The following ARHGEF9 variants were observed in gnomAD, a reference collection of about 807,000 sequenced individuals.
The protein encoded by ARHGEF9 is rho guanine nucleotide exchange factor 9.
Under a neutral mutation model 41.3 loss-of-function variants are expected in ARHGEF9, and 2 were observed. The observed-to-expected ratio is 0.05, with a 90% CI of 0.02 to 0.15. ARHGEF9 has a LOEUF of 0.15. Among genes scored for constraint, ARHGEF9 ranks in the 10% least tolerant of loss-of-function variants. ARHGEF9 has a pLI of 1.00. For synonymous variants in ARHGEF9, 160 were observed against 154.4 expected, an observed-to-expected ratio of 1.04 and a Z score of -0.27; for missense variants, 225 against 424.7, an observed-to-expected ratio of 0.53 and a Z score of 4.13.
intron 5 of ARHGEF9, among the ~76,000 whole-genome samples, chrX:63,677,366 T>C (rs2050319118): frequency 1.8e-5 from 2 of 112,157 alleles, no homozygotes; most frequent in East Asian, 5.6e-4. Context: ...ATTCTTCATC[T>C]AATCTTCTCC....
chrX:63,712,384 T>C (rs782317219), intron 2 of ARHGEF9, among the ~76,000 whole-genome samples: 4 of 112,060 alleles, frequency 3.6e-5, no homozygotes, highest in African/African-American at 9.7e-5. Context: ...TGTTCATTAA[T>C]TGATGAATGG....
intron 5 of ARHGEF9, among the ~76,000 whole-genome samples, chrX:63,677,880 G>T: frequency 8.9e-6 from 1 of 111,907 alleles, no homozygotes; most frequent in Non-Finnish European, 1.9e-5. Flanking sequence ...CTTTTAAGAT[G>T]AATTATGCCA....
At chrX:63,754,761 G>T in intron 1 of ARHGEF9, 1 of 952,343 alleles carries the variant, frequency 1.1e-6, no homozygotes, top group South Asian at 5.5e-5. Context: ...AGGGGGATGG[G>T]GACGGGGTGC....
intron 8 of ARHGEF9, among the ~76,000 whole-genome samples, chrX:63,646,241 T>C (rs1332433263): frequency 1.8e-5 from 2 of 112,015 alleles, no homozygotes; most frequent in South Asian, 3.8e-4. Flanking sequence ...TCATTAGATC[T>C]CATTTGTCAA....
intron 3 of ARHGEF9, among the ~76,000 whole-genome samples, chrX:63,704,787 A>G (rs1556399561): frequency 4.5e-5 from 5 of 112,309 alleles, no homozygotes; most frequent in African/African-American, 1.6e-4. Flanking sequence ...TTAATGACCA[A>G]GTTAGAATGT....
At chrX:63,654,283 T>A (rs2048747833) in intron 8 of ARHGEF9, among the ~76,000 whole-genome samples, 1 of 111,811 alleles carries the variant, frequency 8.9e-6, no homozygotes, top group Non-Finnish European at 1.9e-5. Context: ...GTGGGAGACA[T>A]TGTGTTAGAG....
intron 1 of ARHGEF9, chrX:63,754,969 G>C: frequency 3.2e-6 from 3 of 938,685 alleles, no homozygotes; most frequent in Non-Finnish European, 4.0e-6. Context: ...GCGTGCGTCC[G>C]TCCGCCTGCC....
intron 8 of ARHGEF9, among the ~76,000 whole-genome samples, chrX:63,646,660 G>A (rs2048104252): frequency 8.9e-6 from 1 of 112,040 alleles, no homozygotes; most frequent in African/African-American, 3.2e-5. Context: ...AAGTCAGGTA[G>A]CGTGATAGCT....
At chrX:63,783,108 T>A (rs1279965048) in intron 1 of ARHGEF9, among the ~76,000 whole-genome samples, 1 of 111,944 alleles carries the variant, frequency 8.9e-6, no homozygotes, top group African/African-American at 3.3e-5. Context: ...TTCTCTCTCA[T>A]ACACTGTTGG....
At chrX:63,660,162 C>T (rs1343339989) in intron 7 of ARHGEF9, among the ~76,000 whole-genome samples, 7 of 111,634 alleles carry the variant, frequency 6.3e-5, no homozygotes, top group Non-Finnish European at 1.3e-4. Context: ...CAATGATAGA[C>T]TGGATAAAGA....
Position 63,750,969 on chromosome X carries a change from G to C in ARHGEF9, c.31-26258C>G, listed in dbSNP as rs561095738. Among the ~76,000 whole-genome samples the C allele has an allele frequency of 3.3e-4, 37 of 111,159 alleles. 1 individual carries two copies. In the South Asian group the frequency reaches 0.014, roughly 42 times the overall value. On this transcript the variant is annotated intron_variant, in intron 1 of 9. Transcript: ENST00000671741. ...CTAGTCCCCTTTTTCTAGAGTTATT[G>C]GTGCCTGGGCCTTTAAAGGGTGGGC...
Position 63,678,549 on chromosome X carries a change from A to G in ARHGEF9, c.606T>C (p.Ser202=), listed in dbSNP as rs1556365412. The G allele has an allele frequency of 8.3e-7, 1 of 1,200,328 alleles. No homozygotes were observed. The highest frequency in any genetic ancestry group is 1.1e-6 in the Non-Finnish European group (1 of 888,208). The change falls in exon 5 of 10, where the codon TCT becomes TCC. Residue 202 remains serine, a synonymous_variant. Coordinates refer to ENST00000671741, the MANE Select transcript of ARHGEF9 (RefSeq NM_001353921.2). ...CATCCAGGTGGTTGTTACAATACTC[A>G]GAGTATATCCAGAATCCATCTTGCT... ...LEHQDGFWIY[S]EYCNNHLDAC...
In ARHGEF9 at chrX:63,706,300, G is replaced by C. The variant is rs1241851329; in HGVS notation, c.360C>G (p.Ser120Arg). The C allele has an allele frequency of 8.3e-7, 1 of 1,206,060 alleles. No homozygotes were observed. The highest frequency in any genetic ancestry group is 1.7e-5 in the African/African-American group (1 of 57,488). ...MRANVINEIMSTERHYIKHLK... is the reference protein window; with the variant it reads ...MRANVINEIMRTERHYIKHLK... ...GGTGCTTGATGTAGTGACGCTCAGT[G>C]CTCATTATCTCATTGATGACATTGG... Residue 120 changes from serine (S) to arginine (R), a missense_variant, in exon 3 of 10, where the codon AGC (serine) becomes AGG (arginine). This residue lies in a region of ARHGEF9 where 114 missense variants were observed against 197.9 expected (regional missense o/e 0.58). Coordinates refer to ENST00000671741, the MANE Select transcript of ARHGEF9 (RefSeq NM_001353921.2).
chrX:63,719,980 T>G, intron 2 of ARHGEF9: 1 of 260,880 alleles, frequency 3.8e-6, no homozygotes, highest in Non-Finnish European at 6.8e-6. Flanking sequence ...GAAGTTTCTT[T>G]GGGGAATAAG....
At chrX:63,768,466 T>C (rs782293406) in intron 1 of ARHGEF9, among the ~76,000 whole-genome samples, 1 of 112,406 alleles carries the variant, frequency 8.9e-6, no homozygotes, top group Non-Finnish European at 1.9e-5. Flanking sequence ...CTTTTTGATA[T>C]AATGACTTCT....
chrX:63,697,802 T>A (rs1269481130), intron 3 of ARHGEF9, among the ~76,000 whole-genome samples: 1 of 111,964 alleles, frequency 8.9e-6, no homozygotes, highest in African/African-American at 3.2e-5. Context: ...AGTTTCCTCA[T>A]GAACTTTAAT....
chrX:63,763,984 C>T (rs1198739874), intron 1 of ARHGEF9, among the ~76,000 whole-genome samples: 3 of 111,658 alleles, frequency 2.7e-5, no homozygotes, highest in Non-Finnish European at 5.6e-5. Flanking sequence ...TGAAAGTACT[C>T]TATGGAATGA....
intron 5 of ARHGEF9, among the ~76,000 whole-genome samples, chrX:63,678,072 T>C (rs1288165056): frequency 2.7e-5 from 3 of 111,291 alleles, no homozygotes; most frequent in Non-Finnish European, 5.7e-5. Flanking sequence ...TCATATCTTA[T>C]ATGCTTTAGT....
chrX:63,649,104 A>G (rs1420311002), intron 8 of ARHGEF9, among the ~76,000 whole-genome samples: 3 of 111,793 alleles, frequency 2.7e-5, no homozygotes, highest in Non-Finnish European at 3.8e-5. Flanking sequence ...AGCAGACCTA[A>G]TAGACATCTA....
Sources: gnomAD v4.1 joint callset for allele counts (sites outside exome capture counted in the v4.1 genomes callset) on GRCh38, gnomAD v4.1.1 for gene constraint, gnomAD v4.1.1 regional missense constraint, MANE v1.5 for transcripts, NCBI Gene and HGNC (gene_info 2026-07-23, HGNC 2026-07-21) for gene names.